The following PIGF variants were observed in gnomAD, a reference collection of about 807,000 sequenced individuals.
PIGF encodes the protein GPI ethanolamine phosphate transferase, stabilizing subunit.
A neutral mutation model predicts 26.0 loss-of-function variants in PIGF; 23 were observed. That is an observed-to-expected ratio of 0.88 (90% confidence interval 0.64 to 1.25). The LOEUF (loss-of-function observed/expected upper bound fraction) is 1.25. Ranked by LOEUF, PIGF falls within the 50% of genes most tolerant of loss-of-function variation. The pLI is 0.00. For synonymous variants in PIGF, 93 were observed against 92.6 expected, an observed-to-expected ratio of 1.00 and a Z score of -0.03; for missense variants, 278 against 249.9, an observed-to-expected ratio of 1.11 and a Z score of -0.76.
At chr2:46,612,912 G>A (rs1346454480) in intron 3 of PIGF, among the ~76,000 whole-genome samples, 6 of 152,052 alleles carry the variant, frequency 3.9e-5, no homozygotes, top group Non-Finnish European at 7.4e-5. Context: ...GAACCACTGT[G>A]CCAGACACAT....
At chr2:46,611,871 C>G (rs772095887) in intron 4 of PIGF, among the ~76,000 whole-genome samples, 2 of 152,114 alleles carry the variant, frequency 1.3e-5, no homozygotes, top group South Asian at 4.1e-4. Flanking sequence ...ATTTTATTTA[C>G]AGCAGTCTTA....
intron 1 of PIGF, chr2:46,615,411 C>T (rs1670584957): frequency 3.0e-6 from 1 of 333,694 alleles, no homozygotes; most frequent in East Asian, 5.7e-5. Context: ...CTAAAAAGAA[C>T]AAATTTACTA....
intron 4 of PIGF, among the ~76,000 whole-genome samples, chr2:46,606,923 C>CA (rs1670240974): frequency 6.6e-6 from 1 of 152,068 alleles, no homozygotes; most frequent in Admixed American, 6.5e-5. Flanking sequence ...TATTCAGCCA[C>CA]AAAAAGGAAT....
intron 4 of PIGF, among the ~76,000 whole-genome samples, chr2:46,600,770 T>G (rs951750762): frequency 6.6e-6 from 1 of 152,114 alleles, no homozygotes; most frequent in Non-Finnish European, 1.5e-5. Context: ...TGAAGTTTTA[T>G]GTTACTTATA....
rs1214706284 is a variant in PIGF at position 46,612,392 on chromosome 2, A to G, written c.321-48T>C. 3 of 573,458 alleles carry G rather than the reference A, an allele frequency of 5.2e-6. No homozygotes were observed. In the East Asian group the frequency reaches 9.8e-5, roughly 19 times the overall value. 35.5% of individuals were successfully genotyped at this position (573,458 alleles called of 1,614,324 possible). On this transcript the variant is annotated intron_variant, in intron 3 of 5. Coordinates refer to ENST00000281382, the MANE Select transcript of PIGF (RefSeq NM_002643.4). ...TTTTAAAAAAGTGTTAAAGGTAAAC[A>G]TACACATACATAATCTTTATTATAT...
At chr2:46,600,547 C>G (rs965936553) in intron 4 of PIGF, among the ~76,000 whole-genome samples, 19 of 152,066 alleles carry the variant, frequency 1.2e-4, no homozygotes, top group African/African-American at 4.6e-4. Context: ...GATGATGAGA[C>G]TAATTAATTA....
rs773165608 is a variant in PIGF at position 46,597,828 on chromosome 2, A to T, written c.438-5245T>A. On this transcript the variant is annotated intron_variant, in intron 4 of 5. Transcript: ENST00000281382. ...ATCATGTTTCTCTCATTCTCTAAAA[A>T]CTTTTAGAATGATCTCTTTATTGCT... Among the ~76,000 whole-genome samples the T allele has an allele frequency of 2.0e-5, 3 of 152,274 alleles. No individual in the cohort carries two copies. The South Asian group carries it at 6.2e-4, about 32-fold the overall frequency.
At chr2:46,594,975 C>T (rs972337664) in intron 4 of PIGF, among the ~76,000 whole-genome samples, 3 of 151,328 alleles carry the variant, frequency 2.0e-5, no homozygotes, top group African/African-American at 7.3e-5. Flanking sequence ...CTCAGCCTCC[C>T]GAATAGCTGG....
rs1669355566 is a variant in PIGF, at chr2:46,581,211, T to C, written c.*267A>G. On this transcript the variant is annotated 3_prime_UTR_variant, in exon 6 of 6. Transcript: ENST00000281382. The stretch of plus-strand genomic sequence containing the variant: ...ACTTGAAAGAAAACAAAACCTGTCC[T>C]CAGAATTCTATAAAGTGTATTAAGA... 3 of 978,662 alleles carry C rather than the reference T, an allele frequency of 3.1e-6. No homozygotes were observed. In the Admixed American group the frequency reaches 9.7e-5, roughly 32 times the overall value. 60.6% of individuals were successfully genotyped at this position (978,662 alleles called of 1,614,324 possible).
Position 46,588,240 on chromosome 2 carries a change from TA to T in PIGF, c.546+4234del. 1 of 1,592,430 alleles carries T rather than the reference TA, an allele frequency of 6.3e-7. No homozygotes were observed. On this transcript the variant is annotated intron_variant, in intron 5 of 5. Coordinates refer to ENST00000281382, the MANE Select transcript of PIGF (RefSeq NM_002643.4). This position sits in a 1 kb window ranked among gnomAD's most constrained non-coding sequence, Gnocchi z 4.1. ...TCCAAATACCCTAAATTGGCATAAC[TA>T]AATACCAGAGAAATAGATAAATTAA... is the stretch of plus-strand genomic sequence containing the variant.
intron 4 of PIGF, among the ~76,000 whole-genome samples, chr2:46,594,675 A>G (rs1317639883): frequency 1.3e-5 from 2 of 151,756 alleles, no homozygotes; most frequent in Non-Finnish European, 2.9e-5. Context: ...AGCTGGGATT[A>G]CAGGTGTGTG....
chr2:46,586,120 TG>T (rs2104064521), intron 5 of PIGF, among the ~76,000 whole-genome samples: 1 of 152,340 alleles, frequency 6.6e-6, no homozygotes. Context: ...GTGAAATGTC[TG>T]TTACAAGAGC....
intron 4 of PIGF, among the ~76,000 whole-genome samples, chr2:46,608,598 CA>C (rs1189580082): frequency 6.6e-6 from 1 of 152,142 alleles, no homozygotes; most frequent in Non-Finnish European, 1.5e-5. Flanking sequence ...TATAGCCTTA[CA>C]AAATGTGTTT....
In PIGF at chr2:46,615,202, A is replaced by G; in HGVS notation, c.-21-17T>C. 1 of 1,004,356 alleles carries G rather than the reference A, an allele frequency of 1.0e-6. No homozygotes were observed. Among genetic ancestry groups the G allele is most frequent in the Middle Eastern group, 2.1e-4 (1 of 4,808 alleles). 62.2% of individuals were successfully genotyped at this position (1,004,356 alleles called of 1,614,324 possible). A position where few individuals can be genotyped will look rare whatever the true frequency, so the allele number is the denominator to read the frequency against. ...GATGGCTAGCTAACAAAAAACAAGA[A>G]AAGAAGAGCATATGCAATAACGACT... On this transcript the variant is annotated splice_polypyrimidine_tract_variant and intron_variant, in intron 1 of 5. Transcript: ENST00000281382.
intron 3 of PIGF, among the ~76,000 whole-genome samples, chr2:46,613,017 AGT>A (rs1270040073): frequency 1.3e-5 from 2 of 150,410 alleles, no homozygotes; most frequent in East Asian, 1.9e-4. Context: ...CTGTCAGTTT[AGT>A]GTGTGTACGT....
At chr2:46,581,674 T>G (rs1304437881) in intron 5 of PIGF, 83 bp from the exon 6 acceptor site, 1 of 1,508,248 alleles carries the variant, frequency 6.6e-7, no homozygotes, top group African/African-American at 1.4e-5. Context: ...TATTTCTATA[T>G]TAAAGCTTAA....
chr2:46,616,942 G>GA (rs375640576), intron 1 of PIGF, 28 bp downstream of exon 1: 1 of 307,560 alleles, frequency 3.3e-6, no homozygotes, highest in South Asian at 2.4e-5. Flanking sequence ...CGTGAGGCGA[G>GA]ACGCCGAGGG....
chr2:46,581,723 A>G (rs1572762572), intron 5 of PIGF, 132 bp from the exon 6 acceptor site: 2 of 1,290,852 alleles, frequency 1.5e-6, no homozygotes, highest in Non-Finnish European at 2.1e-6. Flanking sequence ...TAATAAGGTC[A>G]TAACTGCATT....
At position 46,617,022 on chromosome 2, in the gene PIGF, A is replaced by G. The variant is rs1670666033; in HGVS notation, c.-74T>C. The stretch of plus-strand genomic sequence containing the variant: ...CGGGGAACTACTGCCTCCTACCATC[A>G]GGTACGACGGGCGGCCCAGGCCCAC... On this transcript the variant is annotated 5_prime_UTR_variant, in exon 1 of 6. Transcript: ENST00000281382. The G allele has an allele frequency of 5.5e-5, 32 of 582,568 alleles. 2 individuals carry two copies. The South Asian group carries it at 6.4e-4, about 12-fold the overall frequency. The allele number at this position is 582,568 out of a possible 1,614,324, so 36.1% of individuals were successfully genotyped here. A position where few individuals can be genotyped will look rare whatever the true frequency, so the allele number is the denominator to read the frequency against.
Sources: allele counts gnomAD v4.1 joint callset (sites outside exome capture counted in the v4.1 genomes callset), GRCh38; gene constraint gnomAD v4.1.1; non-coding constraint Gnocchi (gnomAD v3.1); transcripts MANE v1.5; gene names NCBI Gene and HGNC (gene_info 2026-07-23, HGNC 2026-07-21).